KCNAB1: variants seen among roughly 807,000 people sequenced by gnomAD.
The protein encoded by KCNAB1 is potassium voltage-gated channel subfamily A regulatory beta subunit 1.
Under a neutral mutation model 64.6 loss-of-function variants are expected in KCNAB1, and 35 were observed. The ratio of observed to expected loss-of-function variants is 0.54; its 90% CI spans 0.41 to 0.72. The LOEUF is 0.72. Among genes scored for constraint, KCNAB1 ranks in the 30% least tolerant of loss-of-function variants. The pLI, the probability that KCNAB1 is intolerant of heterozygous loss-of-function variation, is 0.00. For synonymous variants in KCNAB1, 177 were observed against 183.8 expected (o/e 0.96, Z 0.30); for missense variants, 401 against 512.9 (o/e 0.78, Z 2.11).
rs75240977 is a variant in KCNAB1, at chr3:156,159,625, G to A, written c.275+38739G>A. On this transcript the variant is annotated intron_variant, in intron 1 of 13. Transcript: ENST00000490337. Reference sequence around the variant, plus strand: ...CCCTCCACATATATTCTTCATACGCGAAGACTAAGTGCACAGTATTTTAGA... The same window carrying A: ...CCCTCCACATATATTCTTCATACGCAAAGACTAAGTGCACAGTATTTTAGA... Among the ~76,000 whole-genome samples, 610 of 152,200 alleles carry A rather than the reference G, an allele frequency of 4.0e-3. 3 individuals are homozygous for A. Among genetic ancestry groups the A allele is most frequent in the Non-Finnish European group, 6.2e-3 (423 of 68,022 alleles).
intron 11 of KCNAB1, among the ~76,000 whole-genome samples, chr3:156,519,260 A>G (rs574639865): frequency 2.0e-5 from 3 of 152,298 alleles, no homozygotes; most frequent in South Asian, 4.1e-4. Context: ...TGATTTCCCA[A>G]TCATTGCTTA....
chr3:156,338,330 T>TTTA (rs1723871417), intron 1 of KCNAB1, among the ~76,000 whole-genome samples: 2 of 126,020 alleles, frequency 1.6e-5, no homozygotes, highest in African/African-American at 5.7e-5. Flanking sequence ...TTTTTTTTTT[T>TTTA]ACAGAGTTTA....
chr3:156,338,044 G>A (rs1483403790), intron 1 of KCNAB1, among the ~76,000 whole-genome samples: 1 of 152,120 alleles, frequency 6.6e-6, no homozygotes, highest in Non-Finnish European at 1.5e-5. Flanking sequence ...AATGTTGCAA[G>A]CCACTGGGTG....
intron 1 of KCNAB1, among the ~76,000 whole-genome samples, chr3:156,128,447 A>G (rs1256825179): frequency 1.3e-5 from 2 of 152,252 alleles, no homozygotes; most frequent in Non-Finnish European, 2.9e-5. Context: ...TTGGTTGATT[A>G]CTGACAGATA....
chr3:156,284,257 G>A (rs1321223930), intron 1 of KCNAB1, among the ~76,000 whole-genome samples: 3 of 152,112 alleles, frequency 2.0e-5, no homozygotes, highest in African/African-American at 7.2e-5. Flanking sequence ...CTGCTGGGGG[G>A]TGCCTTCCAG....
At chr3:156,311,984 G>A (rs567988193) in intron 1 of KCNAB1, among the ~76,000 whole-genome samples, 2 of 152,324 alleles carry the variant, frequency 1.3e-5, no homozygotes, top group African/African-American at 4.8e-5. Context: ...CAGCTTTGGA[G>A]CACCCCACTC....
intron 1 of KCNAB1, among the ~76,000 whole-genome samples, chr3:156,392,450 T>C (rs1713114390): frequency 6.6e-6 from 1 of 152,210 alleles, no homozygotes. Context: ...CTCAAGTTTA[T>C]CACTCACTTA....
intron 1 of KCNAB1, among the ~76,000 whole-genome samples, chr3:156,221,533 C>G (rs1466372774): frequency 6.6e-6 from 1 of 152,060 alleles, no homozygotes; most frequent in Non-Finnish European, 1.5e-5. Context: ...AATCCCAGCA[C>G]TTTGAGGGCT....
intron 1 of KCNAB1, among the ~76,000 whole-genome samples, chr3:156,137,322 G>A (rs557072488): frequency 6.6e-6 from 1 of 152,040 alleles, no homozygotes; most frequent in Non-Finnish European, 1.5e-5. Flanking sequence ...TGCTACCTTT[G>A]GGTCTAGGGA....
intron 1 of KCNAB1, among the ~76,000 whole-genome samples, chr3:156,284,383 G>C (rs1040281583): frequency 6.6e-6 from 1 of 152,174 alleles, no homozygotes; most frequent in Non-Finnish European, 1.5e-5. Context: ...TGTCAGACAG[G>C]GACATGTAAG....
chr3:156,210,197 A>T (rs1404082549), intron 1 of KCNAB1, among the ~76,000 whole-genome samples: 4 of 152,154 alleles, frequency 2.6e-5, no homozygotes, highest in East Asian at 1.9e-4. Context: ...CTGACCAGGA[A>T]TGCCTCTGCC....
At chr3:156,177,458 G>C (rs188199166) in intron 1 of KCNAB1, among the ~76,000 whole-genome samples, 213 of 151,614 alleles carry the variant, frequency 1.4e-3, no homozygotes, top group African/African-American at 4.9e-3. Flanking sequence ...CTCACAGCAA[G>C]CTCCGCCTTC....
chr3:156,421,492 C>G, intron 1 of KCNAB1, 124 bp from the exon 2 acceptor site: 1 of 870,604 alleles, frequency 1.1e-6, no homozygotes. Context: ...ATGCCGGCAT[C>G]TGTGGTTCTG....
chr3:156,461,579 A>G (rs138621694), intron 5 of KCNAB1, among the ~76,000 whole-genome samples: 10 of 152,328 alleles, frequency 6.6e-5, no homozygotes, highest in African/African-American at 9.6e-5. Context: ...TTCTTCAATT[A>G]TAACAGAAAC....
At chr3:156,208,978 T>A (rs1714843862) in intron 1 of KCNAB1, among the ~76,000 whole-genome samples, 1 of 152,226 alleles carries the variant, frequency 6.6e-6, no homozygotes, top group Admixed American at 6.5e-5. Context: ...AAGACAGGTA[T>A]TTTTCCAGCC....
At chr3:156,413,908 G>A (rs147934447) in intron 1 of KCNAB1, among the ~76,000 whole-genome samples, 196 of 152,240 alleles carry the variant, frequency 1.3e-3, no homozygotes, top group Admixed American at 2.0e-3. Flanking sequence ...GTGATATATC[G>A]CACTCTGACT....
intron 1 of KCNAB1, among the ~76,000 whole-genome samples, chr3:156,124,882 G>A (rs958759244): frequency 2.1e-4 from 32 of 152,236 alleles, no homozygotes; most frequent in African/African-American, 7.5e-4. Context: ...GCTCATGCCT[G>A]TAATACCAGC....
intron 8 of KCNAB1, among the ~76,000 whole-genome samples, chr3:156,489,103 G>A (rs1165738261): frequency 6.6e-6 from 1 of 152,074 alleles, no homozygotes; most frequent in Non-Finnish European, 1.5e-5. Flanking sequence ...GCTGAGTAGG[G>A]AGTTAGACAC....
At chr3:156,161,125 T>C (rs927700598) in intron 1 of KCNAB1, among the ~76,000 whole-genome samples, 1 of 152,186 alleles carries the variant, frequency 6.6e-6, no homozygotes, top group Non-Finnish European at 1.5e-5. Flanking sequence ...TTCACTACAA[T>C]TTATTAACTG....
Sources: gnomAD v4.1 joint callset for allele counts (sites outside exome capture counted in the v4.1 genomes callset) on GRCh38, gnomAD v4.1.1 for gene constraint, MANE v1.5 for transcripts, NCBI Gene and HGNC (gene_info 2026-07-23, HGNC 2026-07-21) for gene names.